MAML2: variants seen among roughly 807,000 people sequenced by gnomAD.
The protein encoded by MAML2 is mastermind like transcriptional coactivator 2.
MAML2 carries 22 observed loss-of-function variants against 96.1 expected under a neutral mutation model. The observed-to-expected ratio is 0.23, with a 90% confidence interval of 0.16 to 0.33. The LOEUF is 0.33. Ranked by LOEUF, MAML2 falls within the 10% of genes least tolerant of loss-of-function variation. The probability of loss-of-function intolerance (pLI) is 1.00; values close to 1 mark genes in which losing one functional copy is unlikely to be tolerated. For missense variants in MAML2, 1,367 were observed against 1,392.4 expected (o/e 0.98, Z 0.29); for synonymous variants, 561 against 521.3 (o/e 1.08, Z -1.04).
intron 2 of MAML2, among the ~76,000 whole-genome samples, chr11:96,053,944 A>C (rs1243609848): frequency 2.0e-5 from 3 of 152,134 alleles, no homozygotes; most frequent in Non-Finnish European, 4.4e-5. Flanking sequence ...AATGGAGCTG[A>C]CAACTTGGGT....
chr11:96,215,171 G>A (rs762789796), intron 1 of MAML2, among the ~76,000 whole-genome samples: 3 of 152,184 alleles, frequency 2.0e-5, no homozygotes, highest in Non-Finnish European at 4.4e-5. Flanking sequence ...ACTTACATTT[G>A]TACAAAGTTG....
intron 1 of MAML2, among the ~76,000 whole-genome samples, chr11:96,266,463 C>A (rs185611605): frequency 2.6e-5 from 4 of 151,624 alleles, no homozygotes; most frequent in Non-Finnish European, 4.4e-5. Flanking sequence ...CCCAGCTACT[C>A]GGGAGGCTGA....
chr11:96,220,431 C>T (rs1362315988), intron 1 of MAML2, among the ~76,000 whole-genome samples: 1 of 152,162 alleles, frequency 6.6e-6, no homozygotes, highest in Admixed American at 6.5e-5. Context: ...AGAGTCAGCA[C>T]ATGCTTCCTG....
chr11:95,983,722 A>G (rs879683977), intron 4 of MAML2, among the ~76,000 whole-genome samples: 3 of 149,552 alleles, frequency 2.0e-5, no homozygotes, highest in Non-Finnish European at 2.9e-5. Context: ...TTGTAAGAAA[A>G]TAGAAAAAAA....
chr11:96,129,660 G>A (rs903153704), intron 1 of MAML2, among the ~76,000 whole-genome samples: 5 of 152,124 alleles, frequency 3.3e-5, no homozygotes, highest in African/African-American at 1.2e-4. Flanking sequence ...GGTGGTACAT[G>A]TGCAGATTTG....
At chr11:96,203,178 T>C (rs1861850231) in intron 1 of MAML2, among the ~76,000 whole-genome samples, 1 of 152,260 alleles carries the variant, frequency 6.6e-6, no homozygotes, top group South Asian at 2.1e-4. Flanking sequence ...GGCTGTGTTT[T>C]AGGCACTGGG....
At chr11:96,316,642 A>G (rs1326519138) in intron 1 of MAML2, among the ~76,000 whole-genome samples, 1 of 152,218 alleles carries the variant, frequency 6.6e-6, no homozygotes, top group Admixed American at 6.5e-5. Context: ...AGGCAGCAGC[A>G]TGAGCAGGAC....
In MAML2 at chr11:96,242,464, C is replaced by T. The variant is rs11603614; in HGVS notation, c.513+98919G>A. Among the ~76,000 whole-genome samples the T allele has an allele frequency of 6.3e-3, 965 of 152,172 alleles. 8 individuals are homozygous for T. Among genetic ancestry groups the T allele is most frequent in the African/African-American group, 0.022 (908 of 41,484 alleles). On this transcript the variant is annotated intron_variant, in intron 1 of 4. Coordinates refer to ENST00000524717, the MANE Select transcript of MAML2 (RefSeq NM_032427.4). The stretch of plus-strand genomic sequence containing the variant: ...GATTTCCTTAAGGCTGTAAATAAAC[C>T]AGATTCAGTAAGAGAAACAGAGATG...
chr11:96,332,162 T>C (rs944405312), intron 1 of MAML2, among the ~76,000 whole-genome samples: 2 of 152,224 alleles, frequency 1.3e-5, no homozygotes, highest in Non-Finnish European at 2.9e-5. Context: ...CCTCCAGCAT[T>C]GTACCAAGGA....
At chr11:95,999,860 T>G (rs1858054743) in intron 2 of MAML2, among the ~76,000 whole-genome samples, 1 of 152,096 alleles carries the variant, frequency 6.6e-6, no homozygotes, top group African/African-American at 2.4e-5. Flanking sequence ...CACAAACTGG[T>G]TTGCTATTCA....
At chr11:96,045,217 G>A (rs770347698) in intron 2 of MAML2, among the ~76,000 whole-genome samples, 4 of 152,168 alleles carry the variant, frequency 2.6e-5, no homozygotes, top group Non-Finnish European at 5.9e-5. Context: ...ACTGAGCAAA[G>A]TCATTTTTGT....
chr11:96,273,676 A>G (rs1247144520), intron 1 of MAML2, among the ~76,000 whole-genome samples: 1 of 152,192 alleles, frequency 6.6e-6, no homozygotes, highest in Non-Finnish European at 1.5e-5. Flanking sequence ...AGGGCAAGCT[A>G]TTTTATGACT....
intron 1 of MAML2, among the ~76,000 whole-genome samples, chr11:96,151,278 G>T (rs1860916883): frequency 6.6e-6 from 1 of 152,188 alleles, no homozygotes. Flanking sequence ...GAGCTAAAAT[G>T]CAGCGTCTTT....
chr11:96,008,790 TAACG>T (rs1858226254), intron 2 of MAML2, among the ~76,000 whole-genome samples: 1 of 152,198 alleles, frequency 6.6e-6, no homozygotes, highest in African/African-American at 2.4e-5. Context: ...TTAACTAAAC[TAACG>T]GAGTCAACTA....
chr11:96,005,179 T>C (rs1476108277), intron 2 of MAML2, among the ~76,000 whole-genome samples: 2 of 152,242 alleles, frequency 1.3e-5, no homozygotes, highest in Non-Finnish European at 2.9e-5. Context: ...TGTGGTATTT[T>C]GTTATAACAG....
At chr11:95,998,122 A>AG (rs1858021266) in intron 2 of MAML2, among the ~76,000 whole-genome samples, 51 of 117,444 alleles carry the variant, frequency 4.3e-4, no homozygotes, top group South Asian at 4.3e-3. Flanking sequence ...TTTTCTATCT[A>AG]TCTGTCTGTC....
In MAML2 at chr11:96,092,928, T is replaced by A; in HGVS notation, c.1103A>T (p.Tyr368Phe). Residue 368 changes from tyrosine to phenylalanine, a missense_variant, in exon 2 of 5, where the codon TAC becomes TTC. Tyr to Phe is a conservative substitution (Grantham distance 22, BLOSUM62 3). Transcript: ENST00000524717. This position sits in a 1 kb window ranked among gnomAD's most constrained non-coding sequence, Gnocchi z 4.1. ...PMEKIVIKSE[Y>F]SPGLTQGPSG... The stretch of plus-strand genomic sequence containing the variant: ...GGGGCCCTGAGTCAAGCCCGGTGAG[T>A]ATTCACTTTTGATCACTATTTTCTC... The A allele has an allele frequency of 6.2e-7, 1 of 1,609,572 alleles. No individual in the cohort carries two copies. Among genetic ancestry groups the A allele is most frequent in the Non-Finnish European group, 8.5e-7 (1 of 1,177,584 alleles).
intron 1 of MAML2, among the ~76,000 whole-genome samples, chr11:96,198,116 A>G (rs960889128): frequency 2.6e-5 from 4 of 152,208 alleles, no homozygotes; most frequent in African/African-American, 4.8e-5. Flanking sequence ...AAGATCACCA[A>G]TGGGGATATG....
At chr11:96,292,016 T>C (rs1863220106) in intron 1 of MAML2, among the ~76,000 whole-genome samples, 1 of 152,216 alleles carries the variant, frequency 6.6e-6, no homozygotes, top group Admixed American at 6.5e-5. Flanking sequence ...TAGGAATCTT[T>C]AGAAATACCT....
Sources: allele counts gnomAD v4.1 joint callset (sites outside exome capture counted in the v4.1 genomes callset), GRCh38; gene constraint gnomAD v4.1.1; non-coding constraint Gnocchi (gnomAD v3.1); transcripts MANE v1.5; gene names NCBI Gene and HGNC (gene_info 2026-07-23, HGNC 2026-07-21).